PTPN22: variants seen among roughly 807,000 people sequenced by gnomAD.
The protein encoded by PTPN22 is protein tyrosine phosphatase non-receptor type 22.
PTPN22 carries 85 observed loss-of-function variants against 103.3 expected under a neutral mutation model. That is an observed-to-expected ratio of 0.82 (90% CI 0.69 to 0.99). PTPN22 has a LOEUF of 0.99. Ranked by LOEUF, PTPN22 falls within the 50% of genes least tolerant of loss-of-function variation. The pLI, the probability that PTPN22 is intolerant of heterozygous loss-of-function variation, is 0.00. For synonymous variants in PTPN22, 323 were observed against 310.2 expected (o/e 1.04, Z -0.43); for missense variants, 865 against 936.9 (o/e 0.92, Z 1.00).
At chr1:113,814,395 A>C (rs560882986) in exon 21 of PTPN22, 1 of 152,418 alleles carries the variant, frequency 6.6e-6, no homozygotes, top group Admixed American at 6.5e-5. Flanking sequence ...AGTTTTCCAC[A>C]ACATTTGGGA....
At chr1:113,840,038 C>T (rs538409735) in intron 11 of PTPN22, among the ~76,000 whole-genome samples, 5 of 152,126 alleles carry the variant, frequency 3.3e-5, no homozygotes, top group African/African-American at 1.2e-4. Context: ...ATGGTGAAAG[C>T]CCGTCTCTAT....
In PTPN22 at chr1:113,856,357, T is replaced by A. The variant is rs774252561; in HGVS notation, c.540+25A>T. 1.9e-6 allele frequency: 3 copies of A among 1,541,226 alleles called. No homozygotes were observed. The East Asian group carries it at 7.2e-5, about 37-fold the overall frequency. On this transcript the variant is annotated intron_variant, in intron 7 of 20. Transcript: ENST00000359785. ...TGCCTGATCTCTATAGGCTTTTGAG[T>A]TTATCATTCTTATTTTATACTTACA...
intron 7 of PTPN22, among the ~76,000 whole-genome samples, chr1:113,855,872 G>A (rs1180292049): frequency 6.6e-6 from 1 of 152,240 alleles, no homozygotes; most frequent in Non-Finnish European, 1.5e-5. Context: ...AAGCTGGGCA[G>A]GGCCTAGGGC....
chr1:113,825,051 A>G (rs530371613), intron 19 of PTPN22, 91 bp downstream of exon 19: 2 of 930,162 alleles, frequency 2.2e-6, no homozygotes, highest in Non-Finnish European at 3.2e-6. Context: ...TAGGAATAAT[A>G]TTGTTAATCT....
chr1:113,868,385 G>A (rs1666295768), intron 1 of PTPN22, among the ~76,000 whole-genome samples: 6 of 152,122 alleles, frequency 3.9e-5, no homozygotes, highest in Admixed American at 2.0e-4. Flanking sequence ...ATAAAATCCT[G>A]GGAGAATACA....
chr1:113,870,055 C>T (rs1666449897), intron 1 of PTPN22, among the ~76,000 whole-genome samples: 1 of 152,132 alleles, frequency 6.6e-6, no homozygotes, highest in Admixed American at 6.5e-5. Flanking sequence ...GTGTTAGCTC[C>T]AGGAGGCAAA....
chr1:113,842,448 G>A (rs937646248), intron 11 of PTPN22, among the ~76,000 whole-genome samples: 2 of 152,114 alleles, frequency 1.3e-5, no homozygotes, highest in Admixed American at 6.5e-5. Flanking sequence ...GGCCGAGGCC[G>A]GCGGATCACG....
intron 11 of PTPN22, among the ~76,000 whole-genome samples, chr1:113,842,918 G>A (rs1359567072): frequency 8.7e-5 from 13 of 149,544 alleles, no homozygotes; most frequent in Middle Eastern, 3.2e-3. Flanking sequence ...CGGCTAAAAC[G>A]GTGAAACCCC....
At chr1:113,871,558 C>T in exon 1 of PTPN22, 1 of 1,613,994 alleles carries the variant, frequency 6.2e-7, no homozygotes. Flanking sequence ...TGGCAAACTC[C>T]TCTTTAGTAA....
At position 113,825,053 on chromosome 1, in the gene PTPN22, TG is replaced by T. The variant is rs1661932806; in HGVS notation, c.2281+88del. The T allele has an allele frequency of 7.2e-6, 7 of 974,668 alleles. No homozygotes were observed. In the East Asian group the frequency reaches 1.6e-4, roughly 23 times the overall value. 60.4% of individuals were successfully genotyped at this position (974,668 alleles called of 1,614,324 possible). ...TGGAGGCTCTGTTTAGGAATAATAT[TG>T]TTAATCTTTTCACAATATTGGTTGG... On this transcript the variant is annotated intron_variant, in intron 19 of 20. Transcript: ENST00000359785.
chr1:113,842,883 C>T (rs1014669717), intron 11 of PTPN22, among the ~76,000 whole-genome samples: 3 of 150,950 alleles, frequency 2.0e-5, no homozygotes, highest in Non-Finnish European at 3.0e-5. Flanking sequence ...GGGCGGATCA[C>T]GAGGTCAGGA....
intron 1 of PTPN22, among the ~76,000 whole-genome samples, chr1:113,859,925 A>C (rs1187250279): frequency 6.6e-6 from 1 of 151,550 alleles, no homozygotes; most frequent in Non-Finnish European, 1.5e-5. Flanking sequence ...TATATCTAGC[A>C]AAATTTCAAA....
intron 11 of PTPN22, among the ~76,000 whole-genome samples, chr1:113,839,339 C>T (rs1335321230): frequency 2.0e-5 from 3 of 152,146 alleles, no homozygotes; most frequent in Admixed American, 6.5e-5. Flanking sequence ...CTCAGCCTCC[C>T]AAGTAGCTGG....
chr1:113,834,526 T>C (rs1970559), intron 14 of PTPN22, 87 bp from the exon 15 acceptor site: 374,818 of 1,348,560 alleles, frequency 0.28, 56,735 homozygotes, highest in African/African-American at 0.58. Context: ...CATAAAACAT[T>C]GAAAGGACCT....
chr1:113,838,743 G>C, intron 11 of PTPN22, 123 bp from the exon 12 acceptor site: 1 of 1,401,488 alleles, frequency 7.1e-7, no homozygotes, highest in Non-Finnish European at 9.4e-7. Context: ...ATTCATGAAA[G>C]AGTTAGATTA....
chr1:113,861,941 A>G (rs2102155324), intron 1 of PTPN22, among the ~76,000 whole-genome samples: 1 of 152,230 alleles, frequency 6.6e-6, no homozygotes, highest in South Asian at 2.1e-4. Context: ...TGAGTTCCCT[A>G]GAGGAAGTAC....
intron 11 of PTPN22, among the ~76,000 whole-genome samples, chr1:113,840,679 T>A (rs1360909516): frequency 6.6e-6 from 1 of 152,092 alleles, no homozygotes; most frequent in Non-Finnish European, 1.5e-5. Context: ...GTCAAAACAA[T>A]CTTGAAAAAG....
chr1:113,862,463 G>A (rs1185867605), intron 1 of PTPN22, among the ~76,000 whole-genome samples: 8 of 152,226 alleles, frequency 5.3e-5, no homozygotes, highest in African/African-American at 1.9e-4. Flanking sequence ...AGAAAGGAGA[G>A]GAGAATGGGG....
chr1:113,825,830 C>T (rs1468854953), intron 18 of PTPN22, among the ~76,000 whole-genome samples: 1 of 152,050 alleles, frequency 6.6e-6, no homozygotes, highest in African/African-American at 2.4e-5. Flanking sequence ...CCTTCTGCCT[C>T]AGCCTCCTGA....
Sources: gnomAD v4.1 joint callset for allele counts (sites outside exome capture counted in the v4.1 genomes callset) on GRCh38, gnomAD v4.1.1 for gene constraint, MANE v1.5 for transcripts, NCBI Gene and HGNC (gene_info 2026-07-23, HGNC 2026-07-21) for gene names.